MLLT3: variants seen among roughly 807,000 people sequenced by gnomAD.
The protein encoded by MLLT3 is MLLT3 super elongation complex subunit, also known as protein AF-9.
In MLLT3, 4 loss-of-function variants were observed where a neutral mutation model predicts 53.2. The ratio of observed to expected loss-of-function variants is 0.08; its 90% confidence interval spans 0.04 to 0.17. The LOEUF (loss-of-function observed/expected upper bound fraction) is 0.17, where lower values mean the gene tolerates loss of function less well. Among genes scored for constraint, MLLT3 ranks in the 10% least tolerant of loss-of-function variants. MLLT3 has a pLI of 1.00. For synonymous variants in MLLT3, 283 were observed against 230.6 expected (o/e 1.23, Z -2.06); for missense variants, 569 against 684.0 (o/e 0.83, Z 1.87).
chr9:20,561,863 C>T (rs546466732), intron 2 of MLLT3, among the ~76,000 whole-genome samples: 2 of 151,876 alleles, frequency 1.3e-5, no homozygotes, highest in African/African-American at 4.8e-5. Context: ...GATTGTCCTA[C>T]TCGCTGCGTA....
intron 5 of MLLT3, among the ~76,000 whole-genome samples, chr9:20,410,328 T>G (rs776172751): frequency 6.6e-6 from 1 of 152,156 alleles, no homozygotes; most frequent in Non-Finnish European, 1.5e-5. Flanking sequence ...TACATAGCAA[T>G]AGCTAACTTA....
intron 2 of MLLT3, among the ~76,000 whole-genome samples, chr9:20,543,697 A>G (rs920404009): frequency 6.6e-6 from 1 of 151,360 alleles, no homozygotes; most frequent in African/African-American, 2.4e-5. Context: ...AGGAAGAGGA[A>G]GAGGAAGAGG....
chr9:20,620,291 A>ACGCG lies in MLLT3; in HGVS notation c.193+362_193+363insCGCG, dbSNP rs1253221653. Among the ~76,000 whole-genome samples the ACGCG allele has an allele frequency of 8.6e-3, 1,208 of 140,938 alleles. 21 individuals are homozygous for ACGCG. Among genetic ancestry groups the ACGCG allele is most frequent in the African/African-American group, 0.031 (1,163 of 37,608 alleles). The allele number at this position is 140,938 out of a possible 152,430, so 92.5% of individuals were successfully genotyped here. On this transcript the variant is annotated intron_variant, in intron 2 of 10. Transcript: ENST00000380338. This position sits in a 1 kb window ranked among gnomAD's most constrained non-coding sequence, Gnocchi z 6.1. ...CACACACACACACACACACACACAC[A>ACGCG]CACGCGCAAAGTGTTTATTCCCTCC... is the stretch of plus-strand genomic sequence containing the variant.
chr9:20,547,201 C>CT (rs111793106), intron 2 of MLLT3, among the ~76,000 whole-genome samples: 17 of 150,036 alleles, frequency 1.1e-4, no homozygotes, highest in Middle Eastern at 3.4e-3. Context: ...TACTCATATA[C>CT]TTTTTTTTTT....
At chr9:20,517,562 C>A (rs546196119) in intron 2 of MLLT3, among the ~76,000 whole-genome samples, 2 of 152,180 alleles carry the variant, frequency 1.3e-5, no homozygotes, top group Non-Finnish European at 2.9e-5. Flanking sequence ...CAGGGCCAGG[C>A]GCAGTGGCTC....
Position 20,620,847 on chromosome 9 carries a change from G to A in MLLT3, c.13-13C>T, listed in dbSNP as rs778278963. 4 of 1,613,908 alleles carry A rather than the reference G, an allele frequency of 2.5e-6. No homozygotes were observed. The South Asian group carries it at 4.4e-5, about 18-fold the overall frequency. On this transcript the variant is annotated splice_polypyrimidine_tract_variant and intron_variant, in intron 1 of 10. Transcript: ENST00000380338. The surrounding 1 kb of genome is among the most constrained non-coding windows in gnomAD (Gnocchi z 6.1). ...CCTGCACGGCACACTGCGGGCAGGG[G>A]GAGGAGAGACAGCCGTGAATAACAG...
chr9:20,434,319 T>C (rs1437220188), intron 4 of MLLT3, among the ~76,000 whole-genome samples: 1 of 151,838 alleles, frequency 6.6e-6, no homozygotes, highest in South Asian at 2.1e-4. Flanking sequence ...AGCATCAATA[T>C]TGGCAACTTA....
chr9:20,585,608 T>A (rs1469705563), intron 2 of MLLT3, among the ~76,000 whole-genome samples: 5 of 152,208 alleles, frequency 3.3e-5, no homozygotes, highest in Non-Finnish European at 7.4e-5. Context: ...ACCATTCTAA[T>A]GGTATGTAGT....
rs117430300 is a variant in MLLT3, at chr9:20,405,133, T to C, written c.1125+8588A>G. ...GATATATGAAACAACCTAATAACATTAGGGAAAAGTTCCCTCAGATAGACT... is the reference window on the plus strand; with the variant it reads ...GATATATGAAACAACCTAATAACATCAGGGAAAAGTTCCCTCAGATAGACT... On this transcript the variant is annotated intron_variant, in intron 5 of 10. Transcript: ENST00000380338. Among the ~76,000 whole-genome samples the C allele has an allele frequency of 8.7e-4, 133 of 152,268 alleles. 2 individuals carry two copies. In the East Asian group the frequency reaches 0.024, roughly 27 times the overall value.
intron 4 of MLLT3, among the ~76,000 whole-genome samples, chr9:20,416,772 A>G (rs1822881538): frequency 6.6e-6 from 1 of 152,130 alleles, no homozygotes; most frequent in Non-Finnish European, 1.5e-5. Context: ...TCTTTAAGCT[A>G]AGAGAACAAA....
intron 2 of MLLT3, among the ~76,000 whole-genome samples, chr9:20,563,645 C>T (rs1223911268): frequency 1.3e-5 from 2 of 152,106 alleles, no homozygotes; most frequent in Non-Finnish European, 2.9e-5. Flanking sequence ...TAAAGCCTCT[C>T]AGCTGGGTTA....
At chr9:20,386,336 GTCAT>G (rs1822035199) in intron 5 of MLLT3, among the ~76,000 whole-genome samples, 1 of 152,160 alleles carries the variant, frequency 6.6e-6, no homozygotes, top group South Asian at 2.1e-4. Flanking sequence ...AAGGAGAAGG[GTCAT>G]TCATTCAAAT....
chr9:20,536,255 A>G (rs1818482023), intron 2 of MLLT3, among the ~76,000 whole-genome samples: 1 of 152,180 alleles, frequency 6.6e-6, no homozygotes, highest in African/African-American at 2.4e-5. Context: ...AAAGAAGAAA[A>G]TGGCTTTGTG....
intron 4 of MLLT3, among the ~76,000 whole-genome samples, chr9:20,433,490 T>C (rs1243501216): frequency 6.6e-6 from 1 of 152,080 alleles, no homozygotes; most frequent in Admixed American, 6.6e-5. Flanking sequence ...AGAGAGAAAC[T>C]GTACAGTGGA....
At chr9:20,572,620 C>G (rs1455847969) in intron 2 of MLLT3, among the ~76,000 whole-genome samples, 1 of 152,062 alleles carries the variant, frequency 6.6e-6, no homozygotes, top group African/African-American at 2.4e-5. Flanking sequence ...ATCGTGAAAC[C>G]CCATCTCTAC....
chr9:20,540,291 TGG>T (rs1818595911), intron 2 of MLLT3, among the ~76,000 whole-genome samples: 1 of 152,190 alleles, frequency 6.6e-6, no homozygotes, highest in African/African-American at 2.4e-5. Context: ...AGTGCCCCAG[TGG>T]GGATTCTGTG....
At chr9:20,546,375 C>CAA (rs538968963) in intron 2 of MLLT3, among the ~76,000 whole-genome samples, 2 of 151,960 alleles carry the variant, frequency 1.3e-5, no homozygotes, top group African/African-American at 2.4e-5. Flanking sequence ...ACTGTTTCAG[C>CAA]AAAAAAATTT....
rs141520208 is a variant in MLLT3, at chr9:20,458,362, T to C, written c.194-1576A>G. 4.6e-5 allele frequency among the ~76,000 whole-genome samples: 7 copies of C among 152,272 alleles called. No individual in the cohort carries two copies. In the East Asian group the frequency reaches 5.8e-4, roughly 13 times the overall value. ...CTCAGGCGACAGCAGCCCAGAATACTTGGGTACCAATCCATGATCCTCCTC... is the reference window on the plus strand; with the variant it reads ...CTCAGGCGACAGCAGCCCAGAATACCTGGGTACCAATCCATGATCCTCCTC... On this transcript the variant is annotated intron_variant, in intron 2 of 10. Transcript: ENST00000380338.
At chr9:20,350,684 T>C (rs751171522) in intron 10 of MLLT3, among the ~76,000 whole-genome samples, 2 of 152,084 alleles carry the variant, frequency 1.3e-5, no homozygotes, top group Non-Finnish European at 2.9e-5. Flanking sequence ...ATTCTTCAGA[T>C]GATGGTTGTT....
Sources: gnomAD v4.1 joint callset for allele counts (sites outside exome capture counted in the v4.1 genomes callset) on GRCh38, gnomAD v4.1.1 for gene constraint, Gnocchi (gnomAD v3.1) non-coding constraint, MANE v1.5 for transcripts, NCBI Gene and HGNC (gene_info 2026-07-23, HGNC 2026-07-21) for gene names.